PKN2: variants seen among roughly 807,000 people sequenced by gnomAD.
PKN2 encodes the protein protein kinase N2.
In PKN2, 38 loss-of-function variants were observed where a neutral mutation model predicts 119.1. The ratio of observed to expected loss-of-function variants is 0.32; its 90% CI spans 0.25 to 0.42. PKN2 has a LOEUF of 0.42. PKN2 is among the 10% of genes least tolerant of loss of function. The probability of loss-of-function intolerance (pLI) is 1.00; values close to 1 mark genes in which losing one functional copy is unlikely to be tolerated. For synonymous variants in PKN2, 390 were observed against 384.9 expected (o/e 1.01, Z -0.15); for missense variants, 850 against 1,165.1 (o/e 0.73, Z 3.94).
At chr1:88,724,021 T>G (rs1204317629) in intron 1 of PKN2, among the ~76,000 whole-genome samples, 1 of 152,206 alleles carries the variant, frequency 6.6e-6, no homozygotes, top group Non-Finnish European at 1.5e-5. Context: ...AGATAGAGAT[T>G]TAGAGATTTG....
At chr1:88,734,972 GTTA>G in intron 1 of PKN2, among the ~76,000 whole-genome samples, 1 of 148,326 alleles carries the variant, frequency 6.7e-6, no homozygotes, top group African/African-American at 2.5e-5. Flanking sequence ...AATTAAAATA[GTTA>G]TTATTTAATA....
rs183818259 is a variant in PKN2 at position 88,688,484 on chromosome 1, C to T, written c.48+3856C>T. 8.3e-4 allele frequency among the ~76,000 whole-genome samples: 127 copies of T among 152,276 alleles called. 1 individual carries two copies. The highest frequency in any genetic ancestry group is 2.7e-3 in the African/African-American group (113 of 41,546). Reference sequence around the variant, plus strand: ...GAACTTTCTACAAATTGGCCAAAAACGTAATTAACCAACATTAACTTTACA... The same window carrying T: ...GAACTTTCTACAAATTGGCCAAAAATGTAATTAACCAACATTAACTTTACA... On this transcript the variant is annotated intron_variant, in intron 1 of 21. Coordinates refer to ENST00000370521, the MANE Select transcript of PKN2 (RefSeq NM_006256.4).
chr1:88,831,932 T>G (rs1672746010), intron 19 of PKN2, among the ~76,000 whole-genome samples: 1 of 152,034 alleles, frequency 6.6e-6, no homozygotes, highest in African/African-American at 2.4e-5. Flanking sequence ...GTTTTTAGCA[T>G]AGTTGAAAGT....
intron 19 of PKN2, among the ~76,000 whole-genome samples, chr1:88,830,478 T>C (rs1672685469): frequency 6.6e-6 from 1 of 152,156 alleles, no homozygotes; most frequent in African/African-American, 2.4e-5. Flanking sequence ...CAGTAACATT[T>C]TGGAGGGTTT....
intron 4 of PKN2, among the ~76,000 whole-genome samples, chr1:88,770,927 G>C (rs1212621519): frequency 2.0e-5 from 3 of 149,556 alleles, no homozygotes. Flanking sequence ...TCTTCACTTG[G>C]ATAGATGCTT....
At chr1:88,824,499 C>A in intron 18 of PKN2, 113 bp downstream of exon 18, 1 of 640,544 alleles carries the variant, frequency 1.6e-6, no homozygotes, top group Non-Finnish European at 2.8e-6. Flanking sequence ...CTTTATTCTT[C>A]ATTAAGACAT....
chr1:88,684,550 C>T lies in PKN2; in HGVS notation c.-31C>T. On this transcript the variant is annotated 5_prime_UTR_variant, in exon 1 of 22. Coordinates refer to ENST00000370521, the MANE Select transcript of PKN2 (RefSeq NM_006256.4). ...CTTCTCCCTTCGCCAGAGGCGGCCG[C>T]GTCCAGGTGCGGAGTCCATACCGGA... 1 of 1,537,238 alleles carries T rather than the reference C, an allele frequency of 6.5e-7. No homozygotes were observed. Among genetic ancestry groups the T allele is most frequent in the South Asian group, 1.2e-5 (1 of 83,810 alleles).
At chr1:88,694,077 G>T (rs147050619) in intron 1 of PKN2, among the ~76,000 whole-genome samples, 1 of 152,070 alleles carries the variant, frequency 6.6e-6, no homozygotes, top group Non-Finnish European at 1.5e-5. Context: ...ATGCATTATC[G>T]ACATCCTCCA....
At chr1:88,780,936 C>G (rs1305181837) in intron 6 of PKN2, 2 of 252,058 alleles carry the variant, frequency 7.9e-6, no homozygotes, top group Non-Finnish European at 1.3e-5. Flanking sequence ...CCTGTTCCCT[C>G]CTTTCAGTTC....
chr1:88,686,430 A>G (rs1036702957), intron 1 of PKN2, among the ~76,000 whole-genome samples: 2 of 152,122 alleles, frequency 1.3e-5, no homozygotes, highest in African/African-American at 4.8e-5. Context: ...AATTTTGATA[A>G]TAACAAGGAA....
chr1:88,770,226 C>T (rs912564297), intron 3 of PKN2, 126 bp from the exon 4 acceptor site: 8 of 583,170 alleles, frequency 1.4e-5, no homozygotes, highest in Non-Finnish European at 2.5e-5. Flanking sequence ...TATACTATAG[C>T]GCCAACAGCA....
intron 1 of PKN2, among the ~76,000 whole-genome samples, chr1:88,726,555 T>C (rs1234152996): frequency 6.6e-6 from 1 of 152,172 alleles, no homozygotes; most frequent in African/African-American, 2.4e-5. Flanking sequence ...TTCTTTTTCT[T>C]CGGTACTATA....
intron 1 of PKN2, among the ~76,000 whole-genome samples, chr1:88,695,087 A>G (rs1198543799): frequency 6.6e-6 from 1 of 151,958 alleles, no homozygotes; most frequent in Non-Finnish European, 1.5e-5. Flanking sequence ...AGATTGCGCC[A>G]CTGCACTCCA....
Position 88,771,427 on chromosome 1 carries a change from C to T in PKN2, c.629C>T (p.Pro210Leu), listed in dbSNP as rs1169033224. ...ATTTTTTTTTCCTTTCTAGCAAAAC[C>T]TGTGATAAGTCCTCTTGAACTTCGG... ...TNELAFDNAK[P>L]VISPLELRME... The change falls in exon 5 of 22, where the codon CCT becomes CTT. Residue 210 changes from proline (P) to leucine (L), a missense_variant. Pro to Leu is a moderately conservative substitution (Grantham distance 98, BLOSUM62 -3). Coordinates refer to ENST00000370521, the MANE Select transcript of PKN2 (RefSeq NM_006256.4). The T allele has an allele frequency of 6.3e-7, 1 of 1,585,724 alleles. No individual in the cohort carries two copies. Among genetic ancestry groups the T allele is most frequent in the Non-Finnish European group, 8.5e-7 (1 of 1,170,928 alleles).
intron 6 of PKN2, among the ~76,000 whole-genome samples, chr1:88,779,014 C>T (rs754727919): frequency 2.6e-5 from 4 of 152,196 alleles, no homozygotes; most frequent in Admixed American, 6.5e-5. Context: ...TGAGCCGCCG[C>T]GCCCAGCCAA....
At chr1:88,691,594 C>G (rs1666337046) in intron 1 of PKN2, among the ~76,000 whole-genome samples, 1 of 152,150 alleles carries the variant, frequency 6.6e-6, no homozygotes, top group Non-Finnish European at 1.5e-5. Context: ...ACCACCACTC[C>G]CCCTCTCTCA....
intron 1 of PKN2, among the ~76,000 whole-genome samples, chr1:88,709,977 G>A (rs1324916220): frequency 1.3e-5 from 2 of 152,300 alleles, no homozygotes; most frequent in South Asian, 4.1e-4. Context: ...AGGATTGGAG[G>A]TGGGTGATTG....
intron 6 of PKN2, among the ~76,000 whole-genome samples, chr1:88,780,690 A>G (rs1229481614): frequency 1.3e-5 from 2 of 152,082 alleles, no homozygotes; most frequent in Non-Finnish European, 2.9e-5. Flanking sequence ...GTATCTGACA[A>G]TTAGGCAGGG....
At chr1:88,766,708 A>G (rs1349524066) in intron 3 of PKN2, among the ~76,000 whole-genome samples, 3 of 152,202 alleles carry the variant, frequency 2.0e-5, no homozygotes, top group African/African-American at 7.2e-5. Flanking sequence ...GATTTCTCCA[A>G]TATGTAAACC....
Sources: gnomAD v4.1 joint callset for allele counts (sites outside exome capture counted in the v4.1 genomes callset) on GRCh38, gnomAD v4.1.1 for gene constraint, MANE v1.5 for transcripts, NCBI Gene and HGNC (gene_info 2026-07-23, HGNC 2026-07-21) for gene names.